GPR160: variants seen among roughly 807,000 people sequenced by gnomAD.
GPR160 encodes the protein probable G protein-coupled receptor 160.
A neutral mutation model predicts 2.6 loss-of-function variants in GPR160; 2 were observed. The ratio of observed to expected loss-of-function variants is 0.77; its 90% CI spans 0.32 to 2.44. The LOEUF (loss-of-function observed/expected upper bound fraction) is 2.44, where lower values mean the gene tolerates loss of function less well. Among genes scored for constraint, GPR160 ranks in the 30% most tolerant of loss-of-function variants. The pLI, the probability that GPR160 is intolerant of heterozygous loss-of-function variation, is 0.11. For missense variants in GPR160, 351 were observed against 383.6 expected, an observed-to-expected ratio of 0.91 and a Z score of 0.71; for synonymous variants, 130 against 132.2, an observed-to-expected ratio of 0.98 and a Z score of 0.12.
chr3:170,080,251 A>G (rs189266695), intron 3 of GPR160, among the ~76,000 whole-genome samples: 23 of 152,324 alleles, frequency 1.5e-4, no homozygotes, highest in African/African-American at 5.3e-4. Flanking sequence ...AATTTTGAAC[A>G]CTTATAGTGG....
intron 2 of GPR160, among the ~76,000 whole-genome samples, chr3:170,070,139 T>G (rs1438601917): frequency 2.0e-5 from 3 of 152,242 alleles, no homozygotes; most frequent in Non-Finnish European, 4.4e-5. Flanking sequence ...CATTGTCTTA[T>G]ATATGTAATT....
intron 2 of GPR160, among the ~76,000 whole-genome samples, chr3:170,063,667 G>A (rs187261695): frequency 2.5e-4 from 38 of 150,754 alleles, no homozygotes; most frequent in African/African-American, 8.0e-4. Flanking sequence ...CCCACACCGC[G>A]ACGAGGTATG....
intron 2 of GPR160, among the ~76,000 whole-genome samples, chr3:170,042,671 AAAAAAAT>A (rs974193292): frequency 4.4e-4 from 64 of 146,686 alleles, no homozygotes; most frequent in Non-Finnish European, 1.2e-4. Context: ...TCTACAAAAA[AAAAAAAT>A]AAATAAATAA....
chr3:170,059,030 AAC>A (rs10542909), intron 2 of GPR160, among the ~76,000 whole-genome samples: 8,328 of 148,576 alleles, frequency 0.056, 240 homozygotes, highest in African/African-American at 0.08. Context: ...CACATGCACA[AAC>A]ACACACACAC....
chr3:170,042,884 CTTT>C (rs200374138), intron 2 of GPR160, among the ~76,000 whole-genome samples: 62 of 124,254 alleles, frequency 5.0e-4, no homozygotes, highest in African/African-American at 1.8e-3. Flanking sequence ...TCTTCACACA[CTTT>C]TTTTTTTTTT....
chr3:170,042,110 G>A (rs1314030365), intron 2 of GPR160, among the ~76,000 whole-genome samples: 4 of 152,144 alleles, frequency 2.6e-5, no homozygotes, highest in Admixed American at 6.5e-5. Flanking sequence ...TAAACACTTC[G>A]CTTTCATCTG....
rs2302865 is a variant in GPR160, at chr3:170,063,849, G to A, written c.-192-15925G>A. 7.6e-4 allele frequency among the ~76,000 whole-genome samples: 116 copies of A among 152,216 alleles called. No homozygotes were observed. In the East Asian group the frequency reaches 0.021, roughly 28 times the overall value. ...TTACTGAGCTCGTGGCCCTGAGCGC[G>A]GGCCGGCATAGATTTCCTCTTCCAC... On this transcript the variant is annotated intron_variant, in intron 2 of 3. Coordinates refer to ENST00000355897, the MANE Select transcript of GPR160 (RefSeq NM_014373.3).
At chr3:170,073,070 C>T (rs1336601898) in intron 2 of GPR160, among the ~76,000 whole-genome samples, 2 of 152,044 alleles carry the variant, frequency 1.3e-5, no homozygotes, top group East Asian at 3.9e-4. Context: ...AGCCTGTGGT[C>T]CCAGCTACTT....
Position 170,053,754 on chromosome 3 carries a change from G to A in GPR160, c.-193+14711G>A, listed in dbSNP as rs117303631. ...TCATAGATGTTCCTTATCAGGTTGA[G>A]GAAACCATCAGTTTCCTACTTTGCT... On this transcript the variant is annotated intron_variant, in intron 2 of 3. Transcript: ENST00000355897. Among the ~76,000 whole-genome samples the A allele has an allele frequency of 3.5e-3, 529 of 152,206 alleles. 13 individuals carry two copies. In the East Asian group the frequency reaches 0.088, roughly 25 times the overall value.
At chr3:170,058,035 A>T (rs146728779) in intron 2 of GPR160, 1 of 152,372 alleles carries the variant, frequency 6.6e-6, no homozygotes, top group East Asian at 1.9e-4. Flanking sequence ...CAATAAAGTA[A>T]GTATGTTTAG....
intron 2 of GPR160, chr3:170,057,831 G>C (rs1292719066): frequency 6.6e-6 from 1 of 152,300 alleles, no homozygotes; most frequent in African/African-American, 2.4e-5. Flanking sequence ...TGAGAGGCCA[G>C]GTGGAGGGAC....
intron 2 of GPR160, among the ~76,000 whole-genome samples, chr3:170,044,814 G>A (rs80036333): frequency 4.6e-5 from 7 of 152,124 alleles, no homozygotes; most frequent in Non-Finnish European, 1.5e-5. Flanking sequence ...CCACTCTCCT[G>A]CTGATGACAA....
chr3:170,068,942 A>G (rs775741153), intron 2 of GPR160, among the ~76,000 whole-genome samples: 28 of 152,304 alleles, frequency 1.8e-4, no homozygotes, highest in Non-Finnish European at 3.2e-4. Flanking sequence ...GTATCTTTAG[A>G]TATTTCTTCC....
At chr3:170,045,451 A>G (rs1716678771) in intron 2 of GPR160, among the ~76,000 whole-genome samples, 1 of 126,338 alleles carries the variant, frequency 7.9e-6, no homozygotes, top group Non-Finnish European at 1.6e-5. Flanking sequence ...AAAAAAACCA[A>G]TTAGCCAGGG....
chr3:170,065,267 T>C (rs982596070), intron 2 of GPR160, among the ~76,000 whole-genome samples: 10 of 152,238 alleles, frequency 6.6e-5, no homozygotes, highest in Non-Finnish European at 1.5e-4. Context: ...TGCTTTTTTT[T>C]CTATATACTT....
At position 170,085,226 on chromosome 3, in the gene GPR160, A is replaced by AC. The variant is rs1343185943; in HGVS notation, c.*238dup. On this transcript the variant is annotated 3_prime_UTR_variant, in exon 4 of 4. Coordinates refer to ENST00000355897, the MANE Select transcript of GPR160 (RefSeq NM_014373.3). ...TCAGGGACACTATATTACAAATATT[A>AC]CTTTGTTATTAACACAAAAAGTGAT... is the stretch of plus-strand genomic sequence containing the variant. The AC allele has an allele frequency of 6.9e-6, 2 of 290,632 alleles. No homozygotes were observed. Among genetic ancestry groups the AC allele is most frequent in the Non-Finnish European group, 1.3e-5 (2 of 150,266 alleles). The allele number at this position is 290,632 out of a possible 1,614,324, so 18.0% of individuals were successfully genotyped here.
chr3:170,060,000 A>T (rs1483117997), intron 2 of GPR160, among the ~76,000 whole-genome samples: 1 of 152,160 alleles, frequency 6.6e-6, no homozygotes, highest in African/African-American at 2.4e-5. Context: ...GTAGCTTTGC[A>T]TTGGAGGTAT....
intron 2 of GPR160, among the ~76,000 whole-genome samples, chr3:170,068,139 C>T (rs1329520175): frequency 6.6e-6 from 1 of 152,010 alleles, no homozygotes; most frequent in Admixed American, 6.6e-5. Context: ...TTGAAACACT[C>T]TTTATTTTTA....
intron 2 of GPR160, among the ~76,000 whole-genome samples, chr3:170,055,490 C>G (rs1282959218): frequency 6.6e-6 from 1 of 152,174 alleles, no homozygotes; most frequent in Non-Finnish European, 1.5e-5. Flanking sequence ...AGTGGGGTCT[C>G]AGGGACTATT....
Sources: gnomAD v4.1 joint callset for allele counts (sites outside exome capture counted in the v4.1 genomes callset) on GRCh38, gnomAD v4.1.1 for gene constraint, MANE v1.5 for transcripts, NCBI Gene and HGNC (gene_info 2026-07-23, HGNC 2026-07-21) for gene names.